The following CHM variants were observed in gnomAD, a reference collection of about 807,000 sequenced individuals.
CHM encodes the protein rab proteins geranylgeranyltransferase component A 1.
CHM carries 10 observed loss-of-function variants against 49.0 expected under a neutral mutation model. That is an observed-to-expected ratio of 0.20 (90% CI 0.13 to 0.35). The LOEUF (loss-of-function observed/expected upper bound fraction) is 0.35. Ranked by LOEUF, CHM falls within the 10% of genes least tolerant of loss-of-function variation. The probability of loss-of-function intolerance (pLI) is 1.00; values close to 1 mark genes in which losing one functional copy is unlikely to be tolerated. For synonymous variants in CHM, 184 were observed against 167.5 expected, an observed-to-expected ratio of 1.10 and a Z score of -0.76; for missense variants, 455 against 478.4, an observed-to-expected ratio of 0.95 and a Z score of 0.46.
At chrX:85,923,549 GCAA>G (rs1927916553) in intron 8 of CHM, among the ~76,000 whole-genome samples, 3 of 112,097 alleles carry the variant, frequency 2.7e-5, no homozygotes, top group African/African-American at 9.7e-5. Flanking sequence ...ATGGCAACAA[GCAA>G]CAACATTTAT....
At chrX:85,939,046 T>C (rs772791242) in intron 8 of CHM, among the ~76,000 whole-genome samples, 1 of 112,313 alleles carries the variant, frequency 8.9e-6, no homozygotes, top group Non-Finnish European at 1.9e-5. Context: ...ATCATTATGT[T>C]ACACAATTGC....
chrX:86,010,198 G>A (rs763089273), intron 2 of CHM, among the ~76,000 whole-genome samples: 1 of 54,164 alleles, frequency 1.8e-5, no homozygotes, highest in Non-Finnish European at 3.4e-5. Context: ...GGGTGGGGGG[G>A]TAGGGGGGTG....
intron 8 of CHM, among the ~76,000 whole-genome samples, chrX:85,913,716 T>C (rs372187095): frequency 3.6e-5 from 4 of 110,436 alleles, no homozygotes; most frequent in South Asian, 3.9e-4. Context: ...AAAAGATCCA[T>C]GAATGTATGG....
rs767131291 is a variant in CHM, at chrX:86,012,886, G to A, written c.116+14605C>T. Among the ~76,000 whole-genome samples, 45 of 111,174 alleles carry A rather than the reference G, an allele frequency of 4.0e-4. 1 individual carries two copies. Among genetic ancestry groups the A allele is most frequent in the African/African-American group, 1.3e-3 (41 of 30,612 alleles). The stretch of plus-strand genomic sequence containing the variant: ...AGACAGTTTAAAGCCTGAAAGCCAA[G>A]CTAGAAGTCAAATCCACAGATCGGA... On this transcript the variant is annotated intron_variant, in intron 2 of 14. Coordinates refer to ENST00000357749, the MANE Select transcript of CHM (RefSeq NM_000390.4).
Position 85,959,753 on chromosome X carries a change from A to G in CHM, c.703-776T>C, listed in dbSNP as rs776292075. Among the ~76,000 whole-genome samples, 16 of 111,837 alleles carry G rather than the reference A, an allele frequency of 1.4e-4. No homozygotes were observed. The East Asian group carries it at 2.2e-3, about 16-fold the overall frequency. The stretch of plus-strand genomic sequence containing the variant: ...TGTTAACCGTATGGTTAAATGCAAC[A>G]GATTTGACTATTTCCTATATTAAGA... On this transcript the variant is annotated intron_variant, in intron 5 of 14. Coordinates refer to ENST00000357749, the MANE Select transcript of CHM (RefSeq NM_000390.4).
At chrX:85,901,608 T>G (rs777426460) in intron 9 of CHM, among the ~76,000 whole-genome samples, 2 of 111,805 alleles carry the variant, frequency 1.8e-5, no homozygotes, top group Admixed American at 1.9e-4. Flanking sequence ...GCTATACCAT[T>G]CAGAGCCTGT....
At position 85,963,720 on chromosome X, in the gene CHM, G is replaced by C. The variant is rs371773263; in HGVS notation, c.647C>G (p.Thr216Ser). Reference protein sequence around the residue: ...TTEQPKKNRITYSQIIKEGRR... With the variant: ...TTEQPKKNRISYSQIIKEGRR... ...GCCTTCTTTAATAATTTGTGAGTAA[G>C]TAATTCTGTTTTTCTTTGGTTGCTC... The change falls in exon 5 of 15, where the codon ACT (threonine) becomes AGT (serine). Residue 216 changes from threonine (T) to serine (S), a missense_variant. Physicochemically the swap from Thr to Ser is moderately conservative, Grantham distance 58. Coordinates refer to ENST00000357749, the MANE Select transcript of CHM (RefSeq NM_000390.4). The C allele has an allele frequency of 2.5e-6, 3 of 1,201,970 alleles. No homozygotes were observed. The highest frequency in any genetic ancestry group is 1.8e-5 in the African/African-American group (1 of 57,093).
At chrX:86,031,840 CA>C (rs753678079) in intron 1 of CHM, among the ~76,000 whole-genome samples, 55 of 101,913 alleles carry the variant, frequency 5.4e-4, no homozygotes, top group Non-Finnish European at 5.2e-4. Flanking sequence ...AACTCCGTCT[CA>C]AAAAAAAAAA....
chrX:85,866,521 G>A lies in CHM; in HGVS notation c.1771-1700C>T, dbSNP rs771526326. On this transcript the variant is annotated intron_variant, in intron 14 of 14. Transcript: ENST00000357749. ...TGTGGGCTTGGAGCCCCCACAAAGA[G>A]TCACCACTAGGGAACTGTTTAGTGG... is the stretch of plus-strand genomic sequence containing the variant. Among the ~76,000 whole-genome samples, 31 of 112,977 alleles carry A rather than the reference G, an allele frequency of 2.7e-4. 1 individual carries two copies. Among genetic ancestry groups the A allele is most frequent in the Middle Eastern group, 4.6e-3 (1 of 218 alleles).
intron 5 of CHM, among the ~76,000 whole-genome samples, chrX:85,960,721 C>T (rs1011727488): frequency 1.4e-4 from 16 of 111,290 alleles, no homozygotes; most frequent in Non-Finnish European, 2.6e-4. Context: ...CCACCACGCT[C>T]AGCCTAAGCC....
At chrX:86,038,225 A>C (rs758470078) in intron 1 of CHM, among the ~76,000 whole-genome samples, 1 of 112,061 alleles carries the variant, frequency 8.9e-6, no homozygotes, top group Non-Finnish European at 1.9e-5. Context: ...CCTTGTGGAC[A>C]ACCAAAGGAC....
chrX:85,942,306 G>A (rs1929157007), intron 8 of CHM, among the ~76,000 whole-genome samples: 2 of 82,170 alleles, frequency 2.4e-5, no homozygotes, highest in Admixed American at 3.4e-4. Flanking sequence ...TTAAATCCCA[G>A]AAGCACTCTT....
chrX:85,876,233 G>T (rs1304838087), intron 13 of CHM, among the ~76,000 whole-genome samples: 1 of 111,166 alleles, frequency 9.0e-6, no homozygotes, highest in African/African-American at 3.3e-5. Flanking sequence ...TGACTAGGCT[G>T]ACTTTCACTG....
intron 4 of CHM, among the ~76,000 whole-genome samples, chrX:85,977,881 A>G (rs1158557543): frequency 1.8e-5 from 2 of 112,251 alleles, no homozygotes; most frequent in South Asian, 3.7e-4. Flanking sequence ...AGATATGAAC[A>G]TAGGTTAAGA....
intron 7 of CHM, among the ~76,000 whole-genome samples, chrX:85,957,233 A>G (rs907105457): frequency 3.6e-5 from 4 of 111,755 alleles, no homozygotes; most frequent in Admixed American, 9.6e-5. Flanking sequence ...TTTCAGACCA[A>G]TGGACTTAAA....
At chrX:85,981,868 G>T (rs1603269871) in intron 2 of CHM, 59 bp from the exon 3 acceptor site, 4 of 881,096 alleles carry the variant, frequency 4.5e-6, no homozygotes, top group Non-Finnish European at 4.8e-6. Flanking sequence ...TCAATTCACT[G>T]ATCTTCATCA....
chrX:85,943,849 C>T (rs1247315183), intron 8 of CHM, among the ~76,000 whole-genome samples: 1 of 111,274 alleles, frequency 9.0e-6, no homozygotes, highest in African/African-American at 3.3e-5. Context: ...ATTAGACAAC[C>T]AGTCAAAACA....
At chrX:85,894,137 T>C in intron 12 of CHM, 51 bp downstream of exon 12, 1 of 949,911 alleles carries the variant, frequency 1.1e-6, no homozygotes, top group Non-Finnish European at 1.5e-6. Flanking sequence ...AACTGCCCCC[T>C]TTACCCCCTA....
intron 2 of CHM, among the ~76,000 whole-genome samples, chrX:85,982,766 T>C (rs1185198171): frequency 8.9e-6 from 1 of 111,759 alleles, no homozygotes; most frequent in Non-Finnish European, 1.9e-5. Context: ...TGCTTCTCTG[T>C]TTCTCTAATA....
Sources: gnomAD v4.1 joint callset for allele counts (sites outside exome capture counted in the v4.1 genomes callset) on GRCh38, gnomAD v4.1.1 for gene constraint, MANE v1.5 for transcripts, NCBI Gene and HGNC (gene_info 2026-07-23, HGNC 2026-07-21) for gene names.